Variants in NUBPL observed in about 807,000 individuals in gnomAD.
The protein encoded by NUBPL is NUBP iron-sulfur cluster assembly factor, mitochondrial, also known as iron-sulfur cluster transfer protein NUBPL.
Under a neutral mutation model 45.7 loss-of-function variants are expected in NUBPL, and 31 were observed. The ratio of observed to expected loss-of-function variants is 0.68; its 90% CI spans 0.51 to 0.92. The LOEUF (loss-of-function observed/expected upper bound fraction) is 0.92. NUBPL is among the 40% of genes least tolerant of loss of function. NUBPL has a pLI of 0.00. For synonymous variants in NUBPL, 144 were observed against 140.9 expected, an observed-to-expected ratio of 1.02 and a Z score of -0.15; for missense variants, 401 against 398.7, an observed-to-expected ratio of 1.01 and a Z score of -0.05.
At chr14:31,636,588 G>A (rs985150740) in intron 4 of NUBPL, among the ~76,000 whole-genome samples, 3 of 152,222 alleles carry the variant, frequency 2.0e-5, no homozygotes, top group South Asian at 2.1e-4. Context: ...TTGGTATCAG[G>A]ATGATGCTGG....
chr14:31,828,457 A>G (rs530231597), intron 8 of NUBPL, among the ~76,000 whole-genome samples: 1 of 152,314 alleles, frequency 6.6e-6, no homozygotes, highest in East Asian at 1.9e-4. Context: ...AGTCAGGATA[A>G]TAGCCATTCT....
chr14:31,818,054 G>T (rs2039951979), intron 7 of NUBPL, among the ~76,000 whole-genome samples: 1 of 152,140 alleles, frequency 6.6e-6, no homozygotes, highest in Non-Finnish European at 1.5e-5. Context: ...AGCCAGCAAA[G>T]ATTTAAAAAG....
At chr14:31,769,082 C>T (rs1464087274) in intron 6 of NUBPL, among the ~76,000 whole-genome samples, 1 of 152,142 alleles carries the variant, frequency 6.6e-6, no homozygotes, top group Admixed American at 6.5e-5. Flanking sequence ...TAGGAATTCT[C>T]ATTGGTTTAC....
intron 8 of NUBPL, among the ~76,000 whole-genome samples, chr14:31,831,731 C>A (rs139107636): frequency 2.6e-5 from 4 of 152,218 alleles, no homozygotes; most frequent in African/African-American, 9.6e-5. Context: ...GAGATAGTTA[C>A]GCATTGGTGT....
At chr14:31,611,860 G>A (rs2034768272) in intron 4 of NUBPL, among the ~76,000 whole-genome samples, 1 of 152,198 alleles carries the variant, frequency 6.6e-6, no homozygotes, top group Non-Finnish European at 1.5e-5. Context: ...GGGAAAACTG[G>A]ATATTTGTAT....
rs1345120847 is a variant in NUBPL, at chr14:31,787,862, T to C, written c.596T>C (p.Ile199Thr). ...GTGCAGTTATCAGTCTCACAGAATA[T>C]TCCTATAACAGGTAAATCTTCAAAG... ...GDVQLSVSQNIPITGAVIVST... is the reference protein window; with the variant it reads ...GDVQLSVSQNTPITGAVIVST... The change falls in exon 7 of 11, where the codon ATT becomes ACT. Residue 199 changes from isoleucine (I) to threonine (T), a missense_variant. Coordinates refer to ENST00000281081, the MANE Select transcript of NUBPL (RefSeq NM_025152.3). The C allele has an allele frequency of 6.2e-7, 1 of 1,605,914 alleles. No individual in the cohort carries two copies. Among genetic ancestry groups the C allele is most frequent in the Non-Finnish European group, 8.5e-7 (1 of 1,172,666 alleles).
intron 7 of NUBPL, among the ~76,000 whole-genome samples, chr14:31,813,131 C>T (rs1303482264): frequency 6.6e-6 from 1 of 151,858 alleles, no homozygotes; most frequent in African/African-American, 2.4e-5. Context: ...GGACTACAGG[C>T]ACTTGCCACC....
At chr14:31,656,252 A>G (rs1008421796) in intron 4 of NUBPL, among the ~76,000 whole-genome samples, 4 of 152,202 alleles carry the variant, frequency 2.6e-5, no homozygotes, top group African/African-American at 9.6e-5. Context: ...TTGATCTTCT[A>G]TCCAGACCAA....
chr14:31,603,299 G>GAAAAAAAAAAAAAAAAAAAAAAAA (rs529470069), intron 4 of NUBPL, among the ~76,000 whole-genome samples: 6 of 57,034 alleles, frequency 1.1e-4, no homozygotes, highest in African/African-American at 2.5e-4. Context: ...GATCCTGTCT[G>GAAAAAAAAAAAAAAAAAAAAAAAA]AAAAAAAAAA....
intron 6 of NUBPL, among the ~76,000 whole-genome samples, chr14:31,741,106 G>T (rs542194510): frequency 6.6e-6 from 1 of 152,286 alleles, no homozygotes; most frequent in Non-Finnish European, 1.5e-5. Flanking sequence ...CCATGTCAGT[G>T]TCTGGTTCTG....
chr14:31,749,520 C>T (rs2140016559), intron 6 of NUBPL, among the ~76,000 whole-genome samples: 1 of 152,266 alleles, frequency 6.6e-6, no homozygotes, highest in East Asian at 1.9e-4. Context: ...GATGTATCAT[C>T]CTATTCTCTT....
intron 6 of NUBPL, among the ~76,000 whole-genome samples, chr14:31,738,165 T>C (rs1230406118): frequency 6.6e-6 from 1 of 152,346 alleles, no homozygotes; most frequent in East Asian, 1.9e-4. Context: ...ATGTTTAGTT[T>C]TGCTTACATT....
chr14:31,625,695 CA>C (rs1006596716), intron 4 of NUBPL, among the ~76,000 whole-genome samples: 2 of 152,036 alleles, frequency 1.3e-5, no homozygotes, highest in African/African-American at 2.4e-5. Context: ...AGGCTGGTCT[CA>C]AACTCCTGAC....
intron 4 of NUBPL, among the ~76,000 whole-genome samples, chr14:31,617,939 T>C (rs2034953497): frequency 6.6e-6 from 1 of 152,224 alleles, no homozygotes; most frequent in South Asian, 2.1e-4. Context: ...TATTAATTAC[T>C]GCCTCAATTT....
At chr14:31,647,825 G>T (rs1024877705) in intron 4 of NUBPL, among the ~76,000 whole-genome samples, 1 of 152,170 alleles carries the variant, frequency 6.6e-6, no homozygotes, top group African/African-American at 2.4e-5. Flanking sequence ...GTTTTCAGCC[G>T]TTTTGGCTAT....
At chr14:31,687,988 C>T (rs1259911136) in intron 6 of NUBPL, among the ~76,000 whole-genome samples, 1 of 152,190 alleles carries the variant, frequency 6.6e-6, no homozygotes, top group Non-Finnish European at 1.5e-5. Flanking sequence ...GAAAACCTTG[C>T]ACATTTTGCC....
intron 4 of NUBPL, among the ~76,000 whole-genome samples, chr14:31,639,539 A>G (rs1022944945): frequency 3.3e-5 from 5 of 152,124 alleles, no homozygotes; most frequent in Non-Finnish European, 5.9e-5. Flanking sequence ...GGGGTCAGGG[A>G]CCCACTTGAG....
rs563120198 is a variant in NUBPL at position 31,642,195 on chromosome 14, A to T, written c.383-31160A>T. 4.7e-4 allele frequency among the ~76,000 whole-genome samples: 72 copies of T among 152,130 alleles called. 1 individual carries two copies. In the South Asian group the frequency reaches 0.014, roughly 30 times the overall value. ...AAGCTTTTTAGCTTGGTATGATCCC[A>T]TTCATTTGTTTTTGCCTTGGTTGCC... On this transcript the variant is annotated intron_variant, in intron 4 of 10. Transcript: ENST00000281081.
chr14:31,563,008 G>A (rs10144137), intron 2 of NUBPL: 107,330 of 152,694 alleles, frequency 0.7, 38,577 homozygotes, highest in African/African-American at 0.87. Context: ...TATTTGTGGT[G>A]GATCACTAAT....
Sources: gnomAD v4.1 joint callset for allele counts (sites outside exome capture counted in the v4.1 genomes callset) on GRCh38, gnomAD v4.1.1 for gene constraint, MANE v1.5 for transcripts, NCBI Gene and HGNC (gene_info 2026-07-23, HGNC 2026-07-21) for gene names.